The following CRTC2 variants were observed in gnomAD, a reference collection of about 807,000 sequenced individuals.
The protein encoded by CRTC2 is CREB-regulated transcription coactivator 2.
In CRTC2, 25 loss-of-function variants were observed where a neutral mutation model predicts 70.9. The observed-to-expected ratio is 0.35, with a 90% CI of 0.26 to 0.49. The LOEUF (loss-of-function observed/expected upper bound fraction) is 0.49, where lower values mean the gene tolerates loss of function less well. Ranked by LOEUF, CRTC2 falls within the 20% of genes least tolerant of loss-of-function variation. The pLI, the probability that CRTC2 is intolerant of heterozygous loss-of-function variation, is 0.98. For missense variants in CRTC2, 737 were observed against 882.6 expected, an observed-to-expected ratio of 0.83 and a Z score of 2.09; for synonymous variants, 330 against 364.1, an observed-to-expected ratio of 0.91 and a Z score of 1.07.
At chr1:153,954,212 G>C in intron 4 of CRTC2, 43 bp downstream of exon 4, 1 of 1,506,132 alleles carries the variant, frequency 6.6e-7, no homozygotes, top group Middle Eastern at 1.7e-4. Flanking sequence ...CCAGAAACAC[G>C]TCAGAGAGTA....
Position 153,950,856 on chromosome 1 carries a change from G to A in CRTC2, c.1404+404C>T, listed in dbSNP as rs570890117. 3.9e-5 allele frequency among the ~76,000 whole-genome samples: 6 copies of A among 152,320 alleles called. No homozygotes were observed. The South Asian group carries it at 1.0e-3, about 26-fold the overall frequency. On this transcript the variant is annotated intron_variant, in intron 11 of 13. Transcript: ENST00000368633. ...AGATATAAAACAGACAGGAACAGAG[G>A]AGGCAAATAAAAGGAAAGGGTAAGC...
chr1:153,951,929 A>G, intron 10 of CRTC2, 89 bp downstream of exon 10: 1 of 1,512,326 alleles, frequency 6.6e-7, no homozygotes, highest in Admixed American at 1.9e-5. Context: ...GGGTGATCAC[A>G]GCAGGATCTC....
chr1:153,949,164 T>G lies in CRTC2; in HGVS notation c.1625A>C (p.His542Pro). ...GTPYPPGPSG[H>P]GQQSYHRPMS... ...TGGCCGGTGGTAAGACTGTTGCCCATGCCCACTGGGCCCAGGTGGGTACGG... is the reference window on the plus strand; with the variant it reads ...TGGCCGGTGGTAAGACTGTTGCCCAGGCCCACTGGGCCCAGGTGGGTACGG... Residue 542 changes from histidine (H) to proline (P), a missense_variant, in exon 12 of 14, where the codon CAT becomes CCT. Coordinates refer to ENST00000368633, the MANE Select transcript of CRTC2 (RefSeq NM_181715.3). The G allele has an allele frequency of 6.2e-7, 1 of 1,613,632 alleles. No individual in the cohort carries two copies. Among genetic ancestry groups the G allele is most frequent in the South Asian group, 1.1e-5 (1 of 91,034 alleles).
chr1:153,948,594 G>C lies in CRTC2; in HGVS notation c.1725C>G (p.Pro575=). The C allele has an allele frequency of 6.2e-7, 1 of 1,605,328 alleles. No individual in the cohort carries two copies. The highest frequency in any genetic ancestry group is 1.1e-5 in the South Asian group (1 of 89,776). ...ATCCAGGCCCTTCAGAAAAGCCAGGGGGATCCAGCACCAGGCTGGCTGATG... is the reference window on the plus strand; with the variant it reads ...ATCCAGGCCCTTCAGAAAAGCCAGGCGGATCCAGCACCAGGCTGGCTGATG... ...ESPSASLVLD[P]PGFSEGPGFL... Residue 575 remains proline, a synonymous_variant, in exon 13 of 14, where the codon CCC becomes CCG. Coordinates refer to ENST00000368633, the MANE Select transcript of CRTC2 (RefSeq NM_181715.3).
chr1:153,948,741 C>T (rs1680160045), intron 12 of CRTC2, 97 bp from the exon 13 acceptor site: 1 of 1,367,094 alleles, frequency 7.3e-7, no homozygotes, highest in East Asian at 2.3e-5. Flanking sequence ...AACCTTCATC[C>T]ACCCCAGGAA....
intron 1 of CRTC2, among the ~76,000 whole-genome samples, chr1:153,957,673 C>T (rs575544140): frequency 6.6e-6 from 1 of 152,326 alleles, no homozygotes; most frequent in Admixed American, 6.5e-5. Flanking sequence ...TTCCACACAA[C>T]TTATGGTCGG....
chr1:153,951,928 C>T, intron 10 of CRTC2, 90 bp downstream of exon 10: 4 of 1,513,184 alleles, frequency 2.6e-6, no homozygotes, highest in South Asian at 1.3e-5. Context: ...TGGGTGATCA[C>T]AGCAGGATCT....
Position 153,958,598 on chromosome 1 carries a change from G to C in CRTC2, c.-101C>G, listed in dbSNP as rs757771373. 1.9e-5 allele frequency: 23 copies of C among 1,236,446 alleles called. No homozygotes were observed. The highest frequency in any genetic ancestry group is 2.7e-5 in the Admixed American group (1 of 36,484). The allele number at this position is 1,236,446 out of a possible 1,614,324, so 76.6% of individuals were successfully genotyped here. Reference sequence around the variant, plus strand: ...CAGCCGTAGCCACCGCCGCCTCAGCGAGCACCGCGAACCCGGCCCCAGCCT... The same window carrying C: ...CAGCCGTAGCCACCGCCGCCTCAGCCAGCACCGCGAACCCGGCCCCAGCCT... On this transcript the variant is annotated 5_prime_UTR_variant, in exon 1 of 14. Coordinates refer to ENST00000368633, the MANE Select transcript of CRTC2 (RefSeq NM_181715.3).
At position 153,953,328 on chromosome 1, in the gene CRTC2, G is replaced by A; in HGVS notation, c.545C>T (p.Pro182Leu). ...DSALHTSVMN[P>L]SPQDTYPGPT... ...GCCTGGGTAGGTATCCTGGGGACTG[G>A]GGTTCATCACACTTGTATGAAGGGC... Residue 182 changes from proline (P) to leucine (L), a missense_variant, in exon 6 of 14, where the codon CCC becomes CTC. Physicochemically the swap from Pro to Leu is moderately conservative, Grantham distance 98 (BLOSUM62 -3). Transcript: ENST00000368633. 2 of 1,600,182 alleles carry A rather than the reference G, an allele frequency of 1.2e-6. No homozygotes were observed. Among genetic ancestry groups the A allele is most frequent in the East Asian group, 2.3e-5 (1 of 44,292 alleles).
intron 11 of CRTC2, among the ~76,000 whole-genome samples, chr1:153,950,973 G>A (rs935920576): frequency 6.6e-6 from 1 of 152,174 alleles, no homozygotes; most frequent in Non-Finnish European, 1.5e-5. Flanking sequence ...CCTTGTTTTA[G>A]AAATGAAAAT....
chr1:153,949,455 C>A, intron 11 of CRTC2, 71 bp from the exon 12 acceptor site: 1 of 1,467,068 alleles, frequency 6.8e-7, no homozygotes, highest in South Asian at 1.4e-5. Flanking sequence ...CAGAGCTTCC[C>A]ACCTTCTTTA....
In CRTC2 at chr1:153,948,651, A is replaced by T; in HGVS notation, c.1675-7T>A. 6.4e-7 allele frequency: 1 copy of T among 1,572,226 alleles called. No individual in the cohort carries two copies. Among genetic ancestry groups the T allele is most frequent in the South Asian group, 1.2e-5 (1 of 84,596 alleles). On this transcript the variant is annotated splice_polypyrimidine_tract_variant and splice_region_variant and intron_variant, in intron 12 of 13. Transcript: ENST00000368633. ...CCATGCTGAACTGCTCCAGCTATAG[A>T]CATACAGACAAATCTTTAGGAAGTA...
Position 153,950,985 on chromosome 1 carries a change from C to T in CRTC2, c.1404+275G>A, listed in dbSNP as rs76529808. ...CATCCTTGTTTTAGAAATGAAAATA[C>T]TGAGGCTTATAGAAATTAAATAACT... is the stretch of plus-strand genomic sequence containing the variant. On this transcript the variant is annotated intron_variant, in intron 11 of 13. Transcript: ENST00000368633. Among the ~76,000 whole-genome samples the T allele has an allele frequency of 7.6e-3, 1,164 of 152,264 alleles. 4 individuals are homozygous for T. The highest frequency in any genetic ancestry group is 0.011 in the Non-Finnish European group (776 of 68,030).
chr1:153,954,824 C>T lies in CRTC2; in HGVS notation c.372+49G>A, dbSNP rs771484965. On this transcript the variant is annotated intron_variant, in intron 3 of 13. Coordinates refer to ENST00000368633, the MANE Select transcript of CRTC2 (RefSeq NM_181715.3). Reference sequence around the variant, plus strand: ...GTGCTTCCTATGAGTCCCTGAGGAACCCCATCCCACTACCTTTCAGACACT... The same window carrying T: ...GTGCTTCCTATGAGTCCCTGAGGAATCCCATCCCACTACCTTTCAGACACT... 4.4e-5 allele frequency: 67 copies of T among 1,512,418 alleles called. No individual in the cohort carries two copies. The Admixed American group carries it at 1.1e-3, about 25-fold the overall frequency. The allele number at this position is 1,512,418 out of a possible 1,614,324, so 93.7% of individuals were successfully genotyped here. A position where few individuals can be genotyped will look rare whatever the true frequency, so the allele number is the denominator to read the frequency against.
At chr1:153,951,873 G>C (rs531874608) in intron 10 of CRTC2, 145 bp downstream of exon 10, 1 of 1,220,930 alleles carries the variant, frequency 8.2e-7, no homozygotes, top group African/African-American at 1.5e-5. Flanking sequence ...CACTGGCTGA[G>C]AACTGCCGTG....
chr1:153,948,907 A>AC, intron 12 of CRTC2: 1 of 742,890 alleles, frequency 1.3e-6, no homozygotes, highest in East Asian at 2.7e-5. Flanking sequence ...CAAGCTGAGC[A>AC]GAAATAGAGG....
chr1:153,953,176 C>T, intron 6 of CRTC2, 90 bp downstream of exon 6: 1 of 667,040 alleles, frequency 1.5e-6, no homozygotes, highest in Non-Finnish European at 2.3e-6. Flanking sequence ...GAGTGAGACT[C>T]CGTCTCAAAA....
chr1:153,952,323 G>A, intron 9 of CRTC2, 61 bp from the exon 10 acceptor site: 2 of 1,603,922 alleles, frequency 1.2e-6, no homozygotes, highest in Non-Finnish European at 8.5e-7. Context: ...GGTCAGGGAA[G>A]AGCAGAGATC....
chr1:153,955,003 C>G lies in CRTC2; in HGVS notation c.256-14G>C. ...GTGGAGGGGGCTCTGCCAAAAAGGA[C>G]AGAAGTCAGCAGAGGAAGCAGCCTA... On this transcript the variant is annotated splice_polypyrimidine_tract_variant and intron_variant, in intron 2 of 13. Coordinates refer to ENST00000368633, the MANE Select transcript of CRTC2 (RefSeq NM_181715.3). 3 of 1,613,136 alleles carry G rather than the reference C, an allele frequency of 1.9e-6. No homozygotes were observed. Among genetic ancestry groups the G allele is most frequent in the Non-Finnish European group, 1.7e-6 (2 of 1,179,130 alleles).
Sources: allele counts gnomAD v4.1 joint callset (sites outside exome capture counted in the v4.1 genomes callset), GRCh38; gene constraint gnomAD v4.1.1; transcripts MANE v1.5; gene names NCBI Gene and HGNC (gene_info 2026-07-23, HGNC 2026-07-21).